The following OOSP4B variants were observed in gnomAD, a reference collection of about 807,000 sequenced individuals.
OOSP4B encodes oocyte secreted protein family member 4B, also known as oocyte-secreted protein 4B.
exon 3 of OOSP4B, chr11:60,024,917 A>G (rs1018353931): frequency 5.0e-6 from 2 of 398,240 alleles, no homozygotes; most frequent in Admixed American, 8.8e-5. Context: ...GATGTTCCAA[A>G]CAAATGATGA....
intron 2 of OOSP4B, 50 bp from the exon 3 acceptor site, chr11:60,024,858 C>T (rs1384012118): frequency 7.5e-6 from 3 of 397,580 alleles, no homozygotes; most frequent in African/African-American, 6.2e-5. Context: ...ATCATTAAGC[C>T]ACCAAAAGAA....
At chr11:60,019,548 G>A (rs1005753547) in intron 1 of OOSP4B, 2 of 155,168 alleles carry the variant, frequency 1.3e-5, no homozygotes, top group African/African-American at 2.4e-5. Context: ...TCGTGGTCTC[G>A]CTGGCTCAGG....
chr11:60,019,230 A>G (rs1854660432), intron 1 of OOSP4B, among the ~76,000 whole-genome samples: 1 of 151,962 alleles, frequency 6.6e-6, no homozygotes, highest in South Asian at 2.1e-4. Context: ...CTCAGAAAAA[A>G]AATAAAAAAA....
exon 5 of OOSP4B, chr11:60,031,044 C>A (rs1345960899): frequency 7.9e-6 from 3 of 378,282 alleles, no homozygotes; most frequent in Non-Finnish European, 1.4e-5. Context: ...AGTGAAATTG[C>A]CATTCTAACT....
intron 3 of OOSP4B, among the ~76,000 whole-genome samples, chr11:60,027,951 C>T (rs1029688087): frequency 2.0e-5 from 3 of 151,118 alleles, no homozygotes; most frequent in East Asian, 2.0e-4. Context: ...AAAAAAAAGC[C>T]GTTAGTCTCC....
exon 5 of OOSP4B, chr11:60,030,910 C>A: frequency 2.5e-6 from 1 of 397,788 alleles, no homozygotes; most frequent in South Asian, 1.3e-4. Context: ...CCAGTTTCAT[C>A]AATACTGTTG....
intron 2 of OOSP4B, among the ~76,000 whole-genome samples, 150 bp from the exon 3 acceptor site, chr11:60,024,757 TA>T (rs1854728804): frequency 6.6e-6 from 1 of 152,204 alleles, no homozygotes; most frequent in South Asian, 2.1e-4. Context: ...AAAAGGAGAA[TA>T]AAGTATTTCT....
At chr11:60,024,012 T>C in exon 2 of OOSP4B, 1 of 398,598 alleles carries the variant, frequency 2.5e-6, no homozygotes. Context: ...CTGTTGTCAT[T>C]TAACTACGCG....
intron 4 of OOSP4B, among the ~76,000 whole-genome samples, chr11:60,030,348 A>C (rs1188549550): frequency 6.6e-6 from 1 of 152,220 alleles, no homozygotes; most frequent in Non-Finnish European, 1.5e-5. Context: ...AAGTCACTAC[A>C]TCTAATTCGC....
chr11:60,019,987 C>T (rs901760091), intron 1 of OOSP4B, among the ~76,000 whole-genome samples: 1 of 151,990 alleles, frequency 6.6e-6, no homozygotes, highest in Non-Finnish European at 1.5e-5. Flanking sequence ...AGTGTGGACA[C>T]AAAGGTTCTC....
intron 3 of OOSP4B, among the ~76,000 whole-genome samples, chr11:60,025,761 C>A (rs556556338): frequency 6.6e-6 from 1 of 152,142 alleles, no homozygotes; most frequent in African/African-American, 2.4e-5. Context: ...CTTTAAATAC[C>A]TAAGAATGGG....
intron 1 of OOSP4B, among the ~76,000 whole-genome samples, chr11:60,022,586 C>T (rs994200140): frequency 1.3e-5 from 2 of 152,148 alleles, no homozygotes; most frequent in African/African-American, 2.4e-5. Flanking sequence ...AAACATTTTA[C>T]GGAAGACAGA....
At chr11:60,020,310 C>T (rs905788840) in intron 1 of OOSP4B, among the ~76,000 whole-genome samples, 14 of 152,140 alleles carry the variant, frequency 9.2e-5, no homozygotes, top group Non-Finnish European at 2.1e-4. Context: ...GAGCAGGGGG[C>T]CCCCGCTTGT....
chr11:60,018,556 C>A (rs1333018707), intron 1 of OOSP4B, among the ~76,000 whole-genome samples: 2 of 152,206 alleles, frequency 1.3e-5, no homozygotes, highest in South Asian at 4.1e-4. Flanking sequence ...CAGTGCCAGA[C>A]CTGAAACCAG....
chr11:60,024,876 C>G, intron 2 of OOSP4B, 32 bp from the exon 3 acceptor site: 1 of 398,048 alleles, frequency 2.5e-6, no homozygotes. Flanking sequence ...GAATTTAATG[C>G]CTTCTAGTAT....
At chr11:60,030,721 A>G (rs1003447012) in intron 4 of OOSP4B, 81 bp from the exon 5 acceptor site, 37 of 397,648 alleles carry the variant, frequency 9.3e-5, no homozygotes, top group African/African-American at 7.6e-4. Context: ...TTGAGCACCC[A>G]TGAGTTCTCT....
At chr11:60,026,250 C>T (rs534787917) in intron 3 of OOSP4B, among the ~76,000 whole-genome samples, 3 of 152,176 alleles carry the variant, frequency 2.0e-5, no homozygotes, top group African/African-American at 7.2e-5. Context: ...TTATTTTCTT[C>T]TAGAAGTTTT....
chr11:60,023,394 T>C (rs1053511808), intron 1 of OOSP4B, among the ~76,000 whole-genome samples: 1 of 152,220 alleles, frequency 6.6e-6, no homozygotes, highest in Non-Finnish European at 1.5e-5. Flanking sequence ...TTAGCTTAGA[T>C]GAAATATATT....
rs183341540 is a variant in OOSP4B at position 60,030,229 on chromosome 11, C to T, written c.450+300C>T. ...AATGAAATTGTTGTCATAGAAGGCCCATACCAGATCTCTAATTTCATACTA... is the reference window on the plus strand; with the variant it reads ...AATGAAATTGTTGTCATAGAAGGCCTATACCAGATCTCTAATTTCATACTA... On this transcript the variant is annotated intron_variant, in intron 4 of 4. Transcript: ENST00000642343. Among the ~76,000 whole-genome samples, 333 of 152,176 alleles carry T rather than the reference C, an allele frequency of 2.2e-3. 2 individuals are homozygous for T. Among genetic ancestry groups the T allele is most frequent in the African/African-American group, 7.3e-3 (304 of 41,512 alleles).
Sources: allele counts gnomAD v4.1 joint callset (sites outside exome capture counted in the v4.1 genomes callset), GRCh38; gene constraint gnomAD v4.1.1; transcripts MANE v1.5; gene names NCBI Gene and HGNC (gene_info 2026-07-23, HGNC 2026-07-21).